The following MRPS28 variants were observed in gnomAD, a reference collection of about 807,000 sequenced individuals.
MRPS28 encodes the protein small ribosomal subunit protein bS1m.
Under a neutral mutation model 10.8 loss-of-function variants are expected in MRPS28, and 7 were observed. The ratio of observed to expected loss-of-function variants is 0.65; its 90% CI spans 0.37 to 1.22. The LOEUF is 1.22. Among genes scored for constraint, MRPS28 ranks in the 50% most tolerant of loss-of-function variants. The pLI is 0.02. For synonymous variants in MRPS28, 121 were observed against 93.3 expected, an observed-to-expected ratio of 1.30 and a Z score of -1.71; for missense variants, 265 against 232.9, an observed-to-expected ratio of 1.14 and a Z score of -0.90.
intron 1 of MRPS28, among the ~76,000 whole-genome samples, chr8:80,008,563 A>G (rs1400018269): frequency 6.6e-6 from 1 of 152,248 alleles, no homozygotes; most frequent in Admixed American, 6.5e-5. Flanking sequence ...CAAAGAACTC[A>G]AACAAATTTA....
In MRPS28 at chr8:79,999,773, C is replaced by T. The variant is rs137900780; in HGVS notation, c.395+3226G>A. The stretch of plus-strand genomic sequence containing the variant: ...TGTTAAACCTTGGCTGAAGATTGGG[C>T]ACAGTTAGAAATAACATTATCAGTC... On this transcript the variant is annotated intron_variant, in intron 2 of 2. Transcript: ENST00000276585. Among the ~76,000 whole-genome samples the T allele has an allele frequency of 5.3e-5, 8 of 152,080 alleles. No homozygotes were observed. The East Asian group carries it at 1.2e-3, about 22-fold the overall frequency.
intron 2 of MRPS28, among the ~76,000 whole-genome samples, chr8:79,920,126 T>A (rs947668002): frequency 1.8e-4 from 28 of 152,174 alleles, no homozygotes; most frequent in Non-Finnish European, 3.5e-4. Flanking sequence ...GAACTCATCG[T>A]TTTTTATGGC....
At position 79,919,153 on chromosome 8, in the gene MRPS28, A is replaced by G; in HGVS notation, c.396-5T>C. The G allele has an allele frequency of 6.4e-7, 1 of 1,561,238 alleles. No homozygotes were observed. Among genetic ancestry groups the G allele is most frequent in the Non-Finnish European group, 8.6e-7 (1 of 1,160,674 alleles). On this transcript the variant is annotated splice_region_variant and splice_polypyrimidine_tract_variant and intron_variant, in intron 2 of 2. Coordinates refer to ENST00000276585, the MANE Select transcript of MRPS28 (RefSeq NM_014018.3). Reference sequence around the variant, plus strand: ...CTGGTTCCTTTCTGGTATTTCCTAAATAGTTAAAAAAAAAAAAATCCATTA... The same window carrying G: ...CTGGTTCCTTTCTGGTATTTCCTAAGTAGTTAAAAAAAAAAAAATCCATTA...
chr8:79,934,304 C>A (rs1806548552), intron 2 of MRPS28, among the ~76,000 whole-genome samples: 1 of 152,134 alleles, frequency 6.6e-6, no homozygotes, highest in Non-Finnish European at 1.5e-5. Flanking sequence ...TTAGTTCAAT[C>A]TCTAATTCAG....
intron 2 of MRPS28, among the ~76,000 whole-genome samples, chr8:80,000,746 C>A (rs116930399): frequency 0.015 from 2,347 of 152,188 alleles, 35 homozygotes; most frequent in African/African-American, 0.034. Context: ...GACTTAAAGC[C>A]AAGCATGGTG....
chr8:79,998,417 A>C (rs1010550213), intron 2 of MRPS28, among the ~76,000 whole-genome samples: 1 of 152,196 alleles, frequency 6.6e-6, no homozygotes, highest in African/African-American at 2.4e-5. Flanking sequence ...AAAATCTCTA[A>C]ATATACGTAT....
chr8:79,982,023 G>C (rs1017945610), intron 2 of MRPS28, among the ~76,000 whole-genome samples: 5 of 152,190 alleles, frequency 3.3e-5, no homozygotes, highest in African/African-American at 4.8e-5. Flanking sequence ...AAGGCAGGTG[G>C]ATCACTTGAG....
At chr8:79,960,440 C>T (rs998297258) in intron 2 of MRPS28, among the ~76,000 whole-genome samples, 1 of 152,106 alleles carries the variant, frequency 6.6e-6, no homozygotes, top group African/African-American at 2.4e-5. Context: ...ATTTGCAAAG[C>T]ACTTCGATAT....
intron 2 of MRPS28, among the ~76,000 whole-genome samples, chr8:79,986,157 CAG>C (rs1808162488): frequency 6.6e-6 from 1 of 152,138 alleles, no homozygotes; most frequent in Admixed American, 6.5e-5. Flanking sequence ...AGCATATAAA[CAG>C]AACCAAAGAC....
At chr8:79,957,522 CA>C (rs1397831005) in intron 2 of MRPS28, 2 of 124,864 alleles carry the variant, frequency 1.6e-5, no homozygotes, top group South Asian at 2.5e-4. Flanking sequence ...CCAGCTTGAG[CA>C]ACACAGTGAG....
chr8:79,958,016 T>C (rs1465459021), intron 2 of MRPS28: 2 of 176,426 alleles, frequency 1.1e-5, no homozygotes, highest in Non-Finnish European at 2.4e-5. Flanking sequence ...TATTGAGATA[T>C]AATTCACATA....
intron 1 of MRPS28, among the ~76,000 whole-genome samples, chr8:80,020,347 C>T (rs1809322188): frequency 6.6e-6 from 1 of 152,164 alleles, no homozygotes; most frequent in Admixed American, 6.5e-5. Flanking sequence ...CCCTTCCCAT[C>T]ACGGCCTGCA....
intron 2 of MRPS28, among the ~76,000 whole-genome samples, chr8:79,962,299 C>A (rs1439780582): frequency 6.6e-6 from 1 of 152,068 alleles, no homozygotes; most frequent in East Asian, 1.9e-4. Context: ...AGTGCAACCA[C>A]CCAAGCTTAC....
chr8:79,989,022 A>G (rs377223938), intron 2 of MRPS28, among the ~76,000 whole-genome samples: 4 of 152,356 alleles, frequency 2.6e-5, no homozygotes, highest in East Asian at 1.9e-4. Flanking sequence ...ATATTATTGA[A>G]TAATACAAAG....
chr8:79,942,501 C>T (rs73691116), intron 2 of MRPS28, among the ~76,000 whole-genome samples: 1,623 of 152,304 alleles, frequency 0.011, 35 homozygotes, highest in African/African-American at 0.037. Flanking sequence ...AATGACCCAA[C>T]TTCAGGCAAT....
At chr8:79,984,308 T>C (rs1384100583) in intron 2 of MRPS28, among the ~76,000 whole-genome samples, 3 of 152,174 alleles carry the variant, frequency 2.0e-5, no homozygotes, top group East Asian at 1.9e-4. Context: ...CAGTACTAGC[T>C]ACTGCATAAT....
intron 2 of MRPS28, among the ~76,000 whole-genome samples, chr8:79,998,677 C>T (rs985087949): frequency 6.6e-6 from 1 of 152,174 alleles, no homozygotes; most frequent in Non-Finnish European, 1.5e-5. Flanking sequence ...GGCCCAACTG[C>T]CCCTTTATCC....
intron 1 of MRPS28, among the ~76,000 whole-genome samples, chr8:80,005,084 A>T (rs1195223249): frequency 6.6e-6 from 1 of 152,204 alleles, no homozygotes; most frequent in African/African-American, 2.4e-5. Flanking sequence ...CCAGGAGAAC[A>T]TCCCCAATCT....
intron 2 of MRPS28, among the ~76,000 whole-genome samples, chr8:79,935,683 C>T (rs1203948295): frequency 6.6e-6 from 1 of 151,900 alleles, no homozygotes; most frequent in Non-Finnish European, 1.5e-5. Context: ...AGAGATAAAT[C>T]CAAACAAAAC....
Sources: gnomAD v4.1 joint callset for allele counts (sites outside exome capture counted in the v4.1 genomes callset) on GRCh38, gnomAD v4.1.1 for gene constraint, MANE v1.5 for transcripts, NCBI Gene and HGNC (gene_info 2026-07-23, HGNC 2026-07-21) for gene names.